The following CDH18 variants were observed in gnomAD, a reference collection of about 807,000 sequenced individuals.
CDH18 encodes the protein cadherin-18.
In CDH18, 31 loss-of-function variants were observed where a neutral mutation model predicts 67.9. The ratio of observed to expected loss-of-function variants is 0.46; its 90% CI spans 0.34 to 0.62. The LOEUF (loss-of-function observed/expected upper bound fraction) is 0.62. Ranked by LOEUF, CDH18 falls within the 20% of genes least tolerant of loss-of-function variation. The pLI, the probability that CDH18 is intolerant of heterozygous loss-of-function variation, is 0.01. For missense variants in CDH18, 890 were observed against 975.5 expected, an observed-to-expected ratio of 0.91 and a Z score of 1.17; for synonymous variants, 362 against 347.2, an observed-to-expected ratio of 1.04 and a Z score of -0.48.
chr5:20,039,006 C>T (rs1282988071), intron 2 of CDH18, among the ~76,000 whole-genome samples: 2 of 152,122 alleles, frequency 1.3e-5, no homozygotes, highest in Non-Finnish European at 2.9e-5. Context: ...TCTCAGGGTA[C>T]AAAATCAATG....
chr5:19,603,567 A>G (rs1747526215), intron 6 of CDH18, among the ~76,000 whole-genome samples: 1 of 151,968 alleles, frequency 6.6e-6, no homozygotes, highest in Non-Finnish European at 1.5e-5. Context: ...GAGAACAACT[A>G]GTAATTGAGC....
At chr5:19,963,668 T>C (rs1322912695) in intron 2 of CDH18, among the ~76,000 whole-genome samples, 5 of 152,158 alleles carry the variant, frequency 3.3e-5, no homozygotes, top group Middle Eastern at 3.4e-3. Flanking sequence ...TCCCCAGCCA[T>C]GCTGAACTGT....
chr5:19,667,324 A>C (rs1347324052), intron 5 of CDH18, among the ~76,000 whole-genome samples: 1 of 151,522 alleles, frequency 6.6e-6, no homozygotes, highest in African/African-American at 2.4e-5. Context: ...GGCATACTTC[A>C]TAGTCAATAT....
chr5:20,304,447 AC>A, intron 1 of CDH18: 1 of 1,510,472 alleles, frequency 6.6e-7, no homozygotes, highest in East Asian at 2.3e-5. Flanking sequence ...CTTCATCTCC[AC>A]CTTTGCATTC....
At chr5:19,971,016 TAA>T (rs1441852274) in intron 2 of CDH18, among the ~76,000 whole-genome samples, 1 of 151,884 alleles carries the variant, frequency 6.6e-6, no homozygotes, top group African/African-American at 2.4e-5. Context: ...TGCTGGAGCA[TAA>T]GTCTTTCTTA....
chr5:19,727,469 G>A (rs1332151515), intron 4 of CDH18, among the ~76,000 whole-genome samples: 2 of 152,160 alleles, frequency 1.3e-5, no homozygotes, highest in African/African-American at 2.4e-5. Context: ...TAGATGCTAT[G>A]GGAGAGCTGT....
In CDH18 at chr5:19,578,701, C is replaced by T. The variant is rs572798333; in HGVS notation, c.1000-6869G>A. On this transcript the variant is annotated intron_variant, in intron 7 of 12. Coordinates refer to ENST00000382275, the MANE Select transcript of CDH18 (RefSeq NM_004934.5). ...GATGTCTTTGATATGTTTAGAATTACAAGTATACTTTCAGAAGCACTTAAT... is the reference window on the plus strand; with the variant it reads ...GATGTCTTTGATATGTTTAGAATTATAAGTATACTTTCAGAAGCACTTAAT... Among the ~76,000 whole-genome samples, 3 of 151,990 alleles carry T rather than the reference C, an allele frequency of 2.0e-5. No individual in the cohort carries two copies. In the East Asian group the frequency reaches 5.8e-4, roughly 29 times the overall value.
intron 1 of CDH18, among the ~76,000 whole-genome samples, chr5:20,322,136 C>T (rs1017752456): frequency 6.6e-6 from 1 of 152,042 alleles, no homozygotes; most frequent in Non-Finnish European, 1.5e-5. Flanking sequence ...TGGATTTCAT[C>T]TTCCTACTGT....
chr5:19,877,460 T>C (rs540624591), intron 2 of CDH18, among the ~76,000 whole-genome samples: 3 of 152,254 alleles, frequency 2.0e-5, no homozygotes, highest in Middle Eastern at 3.4e-3. Flanking sequence ...GTAGATATTA[T>C]AGGCACATAA....
intron 1 of CDH18, among the ~76,000 whole-genome samples, chr5:20,457,787 G>A (rs1211992574): frequency 6.6e-6 from 1 of 152,050 alleles, no homozygotes; most frequent in Non-Finnish European, 1.5e-5. Flanking sequence ...GACAAGGCTG[G>A]ACAAAAAAAC....
At chr5:20,330,951 AG>A (rs1204869369) in intron 1 of CDH18, among the ~76,000 whole-genome samples, 1 of 152,182 alleles carries the variant, frequency 6.6e-6, no homozygotes, top group African/African-American at 2.4e-5. Context: ...CTTTCTTCTG[AG>A]GAGGCAAGAA....
At chr5:19,912,187 A>T (rs539308603) in intron 2 of CDH18, among the ~76,000 whole-genome samples, 1 of 152,158 alleles carries the variant, frequency 6.6e-6, no homozygotes, top group Admixed American at 6.6e-5. Context: ...TAATAATAAA[A>T]AAAAAACACT....
At chr5:19,713,650 G>T (rs191565544) in intron 5 of CDH18, among the ~76,000 whole-genome samples, 5 of 152,066 alleles carry the variant, frequency 3.3e-5, no homozygotes, top group African/African-American at 1.2e-4. Context: ...TGTCTGTAAA[G>T]TACTTTGGTA....
intron 5 of CDH18, among the ~76,000 whole-genome samples, chr5:19,660,678 T>A (rs1043675405): frequency 6.6e-6 from 1 of 152,090 alleles, no homozygotes; most frequent in African/African-American, 2.4e-5. Context: ...GTAGGGAAAA[T>A]TATCAAGTTT....
intron 5 of CDH18, among the ~76,000 whole-genome samples, chr5:19,664,854 G>A (rs1295890177): frequency 6.6e-6 from 1 of 151,846 alleles, no homozygotes; most frequent in Admixed American, 6.6e-5. Context: ...TAATTTTCCT[G>A]CAGGTCAAGG....
intron 1 of CDH18, among the ~76,000 whole-genome samples, chr5:20,347,173 A>C (rs530686025): frequency 1.3e-5 from 2 of 152,282 alleles, no homozygotes; most frequent in African/African-American, 4.8e-5. Flanking sequence ...TGATTGTCTT[A>C]GCTCTGCTTC....
At chr5:19,692,792 T>C (rs1762065986) in intron 5 of CDH18, among the ~76,000 whole-genome samples, 1 of 151,644 alleles carries the variant, frequency 6.6e-6, no homozygotes, top group African/African-American at 2.4e-5. Context: ...GGGATGTAAA[T>C]GAGTAGATTC....
chr5:20,034,228 A>G (rs1460793543), intron 2 of CDH18, among the ~76,000 whole-genome samples: 3 of 151,960 alleles, frequency 2.0e-5, no homozygotes, highest in African/African-American at 4.8e-5. Context: ...TCCTTCAAGT[A>G]CTTTCCTATC....
rs73764247 is a variant in CDH18 at position 19,856,304 on chromosome 5, A to G, written c.-256-17062T>C. ...AGTTGATTATGGTACTAATGTTTATAATGTACTGCCCTAAAATTTTATACA... is the reference window on the plus strand; with the variant it reads ...AGTTGATTATGGTACTAATGTTTATGATGTACTGCCCTAAAATTTTATACA... On this transcript the variant is annotated intron_variant, in intron 2 of 12. Coordinates refer to ENST00000382275, the MANE Select transcript of CDH18 (RefSeq NM_004934.5). 2.8e-3 allele frequency among the ~76,000 whole-genome samples: 430 copies of G among 152,286 alleles called. 2 individuals carry two copies. The highest frequency in any genetic ancestry group is 0.01 in the Middle Eastern group (3 of 294).
Sources: gnomAD v4.1 joint callset for allele counts (sites outside exome capture counted in the v4.1 genomes callset) on GRCh38, gnomAD v4.1.1 for gene constraint, MANE v1.5 for transcripts, NCBI Gene and HGNC (gene_info 2026-07-23, HGNC 2026-07-21) for gene names.